The following WDR49 variants were observed in gnomAD, a reference collection of about 807,000 sequenced individuals.
The protein encoded by WDR49 is cilia- and flagella-associated protein 337.
WDR49 carries 107 observed loss-of-function variants against 119.5 expected under a neutral mutation model. That is an observed-to-expected ratio of 0.90 (90% confidence interval 0.77 to 1.05). The LOEUF is 1.05. Ranked by LOEUF, WDR49 falls within the 50% of genes least tolerant of loss-of-function variation. The pLI is 0.00. For synonymous variants in WDR49, 425 were observed against 418.8 expected (o/e 1.01, Z -0.18); for missense variants, 1,240 against 1,220.5 (o/e 1.02, Z -0.24).
intron 10 of WDR49, among the ~76,000 whole-genome samples, chr3:167,543,013 A>C (rs1019420314): frequency 3.3e-5 from 5 of 152,044 alleles, no homozygotes; most frequent in Non-Finnish European, 2.9e-5. Context: ...AACTATGAAC[A>C]CCTTTATGCA....
At chr3:167,617,679 T>A (rs1004284603) in intron 5 of WDR49, among the ~76,000 whole-genome samples, 1 of 152,074 alleles carries the variant, frequency 6.6e-6, no homozygotes, top group Non-Finnish European at 1.5e-5. Flanking sequence ...CAGGTGGGGA[T>A]CTGTAATCTT....
At chr3:167,538,700 G>A (rs1460727714) in intron 10 of WDR49, among the ~76,000 whole-genome samples, 3 of 152,078 alleles carry the variant, frequency 2.0e-5, no homozygotes. Context: ...AAAATTCAAG[G>A]TAAAATGTGG....
At chr3:167,486,403 A>T (rs1750917564) in intron 18 of WDR49, among the ~76,000 whole-genome samples, 1 of 152,138 alleles carries the variant, frequency 6.6e-6, no homozygotes, top group East Asian at 1.9e-4. Context: ...CTCACATACA[A>T]GTACTAACCC....
intron 8 of WDR49, among the ~76,000 whole-genome samples, chr3:167,564,049 A>G (rs1228058629): frequency 6.6e-6 from 1 of 152,244 alleles, no homozygotes; most frequent in Non-Finnish European, 1.5e-5. Flanking sequence ...TCTAACGTAG[A>G]TACTCAATGA....
intron 3 of WDR49, among the ~76,000 whole-genome samples, chr3:167,625,450 T>C (rs941232338): frequency 6.6e-6 from 1 of 152,082 alleles, no homozygotes; most frequent in African/African-American, 2.4e-5. Context: ...GAAAACCAGC[T>C]CATTATTTTG....
intron 18 of WDR49, among the ~76,000 whole-genome samples, chr3:167,495,355 T>A (rs1365725284): frequency 6.6e-6 from 1 of 151,930 alleles, no homozygotes; most frequent in Non-Finnish European, 1.5e-5. Context: ...AGTATATAAA[T>A]ATGTGTGTAT....
At chr3:167,522,707 A>C (rs1046759477) in intron 15 of WDR49, among the ~76,000 whole-genome samples, 10 of 152,170 alleles carry the variant, frequency 6.6e-5, no homozygotes, top group Non-Finnish European at 1.3e-4. Flanking sequence ...ATATGTCATA[A>C]GAAACAAAAA....
intron 7 of WDR49, among the ~76,000 whole-genome samples, chr3:167,585,403 TG>T (rs1187807934): frequency 1.3e-5 from 2 of 150,298 alleles, no homozygotes; most frequent in East Asian, 1.9e-4. Context: ...TGTGTGTGTG[TG>T]TGTGTGTGTG....
intron 16 of WDR49, among the ~76,000 whole-genome samples, chr3:167,521,979 T>TAGAC (rs1752457175): frequency 8.1e-6 from 1 of 123,964 alleles, no homozygotes; most frequent in East Asian, 2.8e-4. Context: ...GATAGATAGA[T>TAGAC]AGATAGATAG....
chr3:167,591,391 T>C (rs561947170), intron 7 of WDR49, among the ~76,000 whole-genome samples: 72 of 152,238 alleles, frequency 4.7e-4, no homozygotes, highest in Admixed American at 1.1e-3. Flanking sequence ...AGCAGTTGGA[T>C]GAAATGTTCT....
chr3:167,567,553 G>T (rs1474664470), intron 8 of WDR49, among the ~76,000 whole-genome samples: 1 of 152,152 alleles, frequency 6.6e-6, no homozygotes, highest in East Asian at 1.9e-4. Context: ...AACAATGATG[G>T]CATCTTCAAT....
intron 10 of WDR49, among the ~76,000 whole-genome samples, chr3:167,553,766 A>G (rs1238886056): frequency 2.6e-5 from 4 of 152,114 alleles, no homozygotes; most frequent in Admixed American, 2.0e-4. Flanking sequence ...AATATCAAGT[A>G]GAATAATCTG....
chr3:167,620,559 T>C lies in WDR49; in HGVS notation c.828A>G (p.Glu276=). 3 of 1,535,290 alleles carry C rather than the reference T, an allele frequency of 2.0e-6. No homozygotes were observed. The highest frequency in any genetic ancestry group is 2.6e-6 in the Non-Finnish European group (3 of 1,146,400). ...AFTAALISLF[E]RPASACEDGE... is the part of the protein sequence containing the mutation. ...CATCTTCACATGCACTAGCAGGCCG[T>C]TCAAACAGGGAAATCAAGGCTGCGG... Residue 276 remains glutamate (E), a synonymous_variant, in exon 5 of 19, where the codon GAA becomes GAG. Transcript: ENST00000682715.
At chr3:167,654,284 G>A (rs1718518011), upstream of WDR49, among the ~76,000 whole-genome samples, 1 of 151,872 alleles carries the variant, frequency 6.6e-6, no homozygotes, top group Admixed American at 6.6e-5. Context: ...TTATATAAAA[G>A]GAATCTGTTT....
At chr3:167,495,825 G>C (rs1751331249) in intron 18 of WDR49, among the ~76,000 whole-genome samples, 1 of 131,074 alleles carries the variant, frequency 7.6e-6, no homozygotes, top group South Asian at 2.6e-4. Context: ...ATAACATTAA[G>C]AGCAGGATTT....
chr3:167,549,828 T>C (rs1249336435), intron 10 of WDR49, among the ~76,000 whole-genome samples: 1 of 152,194 alleles, frequency 6.6e-6, no homozygotes, highest in Non-Finnish European at 1.5e-5. Flanking sequence ...CGGTTTTAGG[T>C]CTAACATTTA....
chr3:167,575,018 C>G (rs1380001754), intron 8 of WDR49: 12 of 983,530 alleles, frequency 1.2e-5, no homozygotes, highest in Non-Finnish European at 1.4e-5. Flanking sequence ...CTTTCCACCC[C>G]TTGCGCAAAA....
intron 11 of WDR49, 114 bp from the exon 12 acceptor site, chr3:167,533,091 A>G (rs1315922071): frequency 5.9e-5 from 35 of 597,226 alleles, no homozygotes; most frequent in Non-Finnish European, 3.1e-5. Context: ...TATGGCACAT[A>G]GTGGGCACTC....
At chr3:167,604,600 A>G (rs1715953802) in intron 5 of WDR49, 132 bp from the exon 6 acceptor site, 1 of 891,482 alleles carries the variant, frequency 1.1e-6, no homozygotes. Flanking sequence ...GATACTTAAA[A>G]AACACCTCAC....
Sources: gnomAD v4.1 joint callset for allele counts (sites outside exome capture counted in the v4.1 genomes callset) on GRCh38, gnomAD v4.1.1 for gene constraint, MANE v1.5 for transcripts, NCBI Gene and HGNC (gene_info 2026-07-23, HGNC 2026-07-21) for gene names.